GLYATL1: variants seen among roughly 807,000 people sequenced by gnomAD.
GLYATL1 encodes the protein glycine N-acyltransferase-like protein 1.
A neutral mutation model predicts 20.0 loss-of-function variants in GLYATL1; 15 were observed. The observed-to-expected ratio is 0.75, with a 90% CI of 0.50 to 1.15. The LOEUF (loss-of-function observed/expected upper bound fraction) is 1.15, where lower values mean the gene tolerates loss of function less well. GLYATL1 is among the 50% of genes most tolerant of loss of function. The pLI, the probability that GLYATL1 is intolerant of heterozygous loss-of-function variation, is 0.00. For synonymous variants in GLYATL1, 151 were observed against 131.5 expected (o/e 1.15, Z -1.01); for missense variants, 380 against 368.5 (o/e 1.03, Z -0.26).
downstream of GLYATL1, among the ~76,000 whole-genome samples, chr11:58,910,162 T>A (rs1217826591): frequency 6.6e-6 from 1 of 152,068 alleles, no homozygotes; most frequent in African/African-American, 2.4e-5. Flanking sequence ...ACATTATGGC[T>A]CCTAAAAAGT....
upstream of GLYATL1, among the ~76,000 whole-genome samples, chr11:58,924,702 ATT>A: frequency 6.6e-6 from 1 of 152,184 alleles, no homozygotes; most frequent in Non-Finnish European, 1.5e-5. Context: ...ATACAAGACA[ATT>A]ATGAGTACAA....
At chr11:58,922,104 T>C (rs1216981174) in intron 1 of GLYATL1, among the ~76,000 whole-genome samples, 2 of 152,198 alleles carry the variant, frequency 1.3e-5, no homozygotes, top group Non-Finnish European at 2.9e-5. Flanking sequence ...ATCATTTGGA[T>C]CCCAGTGGTG....
intron 1 of GLYATL1, among the ~76,000 whole-genome samples, chr11:58,932,420 T>C (rs1280829158): frequency 2.0e-5 from 3 of 152,224 alleles, no homozygotes; most frequent in Non-Finnish European, 4.4e-5. Flanking sequence ...TTCTTCTTGT[T>C]CTACTATTGC....
intron 1 of GLYATL1, among the ~76,000 whole-genome samples, chr11:58,941,799 A>G (rs1257243526): frequency 6.6e-6 from 1 of 152,194 alleles, no homozygotes; most frequent in Admixed American, 6.5e-5. Flanking sequence ...TAACTTAGAG[A>G]ACTGTTATAA....
chr11:58,954,933 T>C (rs999282484), intron 5 of GLYATL1, 37 bp downstream of exon 5: 4 of 1,587,164 alleles, frequency 2.5e-6, no homozygotes, highest in Non-Finnish European at 3.4e-6. Context: ...CAGCTGTGCT[T>C]CTCAAATTGT....
In GLYATL1 at chr11:58,939,585, C is replaced by A. The variant is rs1249995004; in HGVS notation, c.-232C>A. The A allele has an allele frequency of 2.0e-5, 3 of 152,326 alleles. No individual in the cohort carries two copies. The highest frequency in any genetic ancestry group is 2.0e-4 in the Admixed American group (3 of 15,300). The allele number at this position is 152,326 out of a possible 1,614,324, so 9.4% of individuals were successfully genotyped here. ...TACCCTCTGGGGCCACCACAGCTGG[C>A]CCCAACCATGGTCCTGATTGCCTTG... On this transcript the variant is annotated 5_prime_UTR_variant, in exon 1 of 7. Coordinates refer to ENST00000532726, the MANE Select transcript of GLYATL1 (RefSeq NM_001389712.2).
chr11:58,907,596 T>C (rs1854932513), exon 2 of GLYATL1: 1 of 334,766 alleles, frequency 3.0e-6, no homozygotes, highest in African/African-American at 2.1e-5. Flanking sequence ...TTCTATCATC[T>C]CTCTCACTTC....
chr11:58,943,717 T>C (rs1425093103), intron 2 of GLYATL1, 51 bp downstream of exon 2: 1 of 1,598,624 alleles, frequency 6.3e-7, no homozygotes, highest in South Asian at 1.1e-5. Flanking sequence ...TTTTGAGCTC[T>C]CTGAGTTGCT....
intron 1 of GLYATL1, among the ~76,000 whole-genome samples, chr11:58,941,719 G>A (rs1856170724): frequency 6.6e-6 from 1 of 152,228 alleles, no homozygotes; most frequent in East Asian, 1.9e-4. Context: ...CCAAGTGCCT[G>A]AAGCAGAGAG....
At chr11:58,913,653 G>A (rs887114077) in intron 1 of GLYATL1, among the ~76,000 whole-genome samples, 1 of 152,160 alleles carries the variant, frequency 6.6e-6, no homozygotes, top group African/African-American at 2.4e-5. Flanking sequence ...AAAATAAATT[G>A]TGTGTGTGTG....
At position 58,955,965 on chromosome 11, in the gene GLYATL1, T is replaced by C. The variant is rs2135288854; in HGVS notation, c.847T>C (p.Phe283Leu). Reference protein sequence around the residue: ...SRRFVGQFGFFEASCEWHQWT... With the variant: ...SRRFVGQFGFLEASCEWHQWT... ...CAGATTTGTGGGGCAGTTTGGTTTC[T>C]TTGAGGCCTCCTGTGAGTGGCACCA... The change falls in exon 7 of 7, where the codon TTT (phenylalanine) becomes CTT (leucine). Residue 283 changes from phenylalanine to leucine, a missense_variant. Transcript: ENST00000532726. The C allele has an allele frequency of 6.2e-7, 1 of 1,614,166 alleles. No homozygotes were observed. Among genetic ancestry groups the C allele is most frequent in the East Asian group, 2.2e-5 (1 of 44,890 alleles).
At chr11:58,919,803 G>A (rs760198334) in intron 1 of GLYATL1, among the ~76,000 whole-genome samples, 3 of 152,192 alleles carry the variant, frequency 2.0e-5, no homozygotes, top group Non-Finnish European at 4.4e-5. Context: ...GTTCACAAAT[G>A]GCTCAGGTAA....
At chr11:58,907,445 G>A (rs1308209581) in exon 2 of GLYATL1, 1 of 447,700 alleles carries the variant, frequency 2.2e-6, no homozygotes, top group South Asian at 1.6e-5. Flanking sequence ...CTAGTTCCTT[G>A]CAAACCATTA....
chr11:58,954,376 G>T (rs1264256650), intron 4 of GLYATL1, among the ~76,000 whole-genome samples: 1 of 152,174 alleles, frequency 6.6e-6, no homozygotes, highest in Non-Finnish European at 1.5e-5. Flanking sequence ...AGCAGGGAGA[G>T]AAGCAATTGT....
intron 1 of GLYATL1, among the ~76,000 whole-genome samples, chr11:58,922,153 C>T (rs1429872910): frequency 6.6e-6 from 1 of 152,206 alleles, no homozygotes; most frequent in Non-Finnish European, 1.5e-5. Context: ...TATGCCTGGG[C>T]ATCAACTGTG....
intron 1 of GLYATL1, among the ~76,000 whole-genome samples, chr11:58,928,878 C>G (rs1855502536): frequency 6.6e-6 from 1 of 152,122 alleles, no homozygotes; most frequent in African/African-American, 2.4e-5. Flanking sequence ...CAAACTACCC[C>G]CAAGAGGGCC....
chr11:58,950,771 T>C (rs1005988405), intron 4 of GLYATL1, among the ~76,000 whole-genome samples: 12 of 152,178 alleles, frequency 7.9e-5, no homozygotes, highest in Non-Finnish European at 1.2e-4. Context: ...GGGTGAAAAA[T>C]GGCATCTTAT....
intron 1 of GLYATL1, among the ~76,000 whole-genome samples, chr11:58,914,337 G>T (rs1855117742): frequency 6.6e-6 from 1 of 152,158 alleles, no homozygotes; most frequent in Non-Finnish European, 1.5e-5. Flanking sequence ...TTGACACAAG[G>T]CCAAGTGAGT....
At chr11:58,913,701 G>A (rs1416874382) in intron 1 of GLYATL1, among the ~76,000 whole-genome samples, 1 of 152,182 alleles carries the variant, frequency 6.6e-6, no homozygotes, top group Admixed American at 6.5e-5. Context: ...ATGGGCAGAA[G>A]GGAAAAGAGA....
Sources: gnomAD v4.1 joint callset for allele counts (sites outside exome capture counted in the v4.1 genomes callset) on GRCh38, gnomAD v4.1.1 for gene constraint, MANE v1.5 for transcripts, NCBI Gene and HGNC (gene_info 2026-07-23, HGNC 2026-07-21) for gene names.